The following DLC1 variants were observed in gnomAD, a reference collection of about 807,000 sequenced individuals.
DLC1 encodes rho GTPase-activating protein 7.
Under a neutral mutation model 140.3 loss-of-function variants are expected in DLC1, and 54 were observed. That is an observed-to-expected ratio of 0.38 (90% CI 0.31 to 0.48). The LOEUF is 0.48. Among genes scored for constraint, DLC1 ranks in the 20% least tolerant of loss-of-function variants. The pLI is 0.96. For synonymous variants in DLC1, 986 were observed against 728.1 expected, an observed-to-expected ratio of 1.35 and a Z score of -5.70; for missense variants, 2,536 against 1,907.0, an observed-to-expected ratio of 1.33 and a Z score of -6.14.
intron 2 of DLC1, among the ~76,000 whole-genome samples, chr8:13,482,310 T>A (rs1350653114): frequency 6.6e-6 from 1 of 151,316 alleles, no homozygotes; most frequent in Non-Finnish European, 1.5e-5. Context: ...TTGGAGACAG[T>A]TAATCATGGT....
chr8:13,243,052 G>T (rs1393204194), intron 5 of DLC1, among the ~76,000 whole-genome samples: 1 of 151,932 alleles, frequency 6.6e-6, no homozygotes, highest in Non-Finnish European at 1.5e-5. Context: ...CACTTTGGGA[G>T]GCCAAGGTGG....
chr8:13,131,900 C>G (rs891692979), intron 5 of DLC1, among the ~76,000 whole-genome samples: 2 of 152,196 alleles, frequency 1.3e-5, no homozygotes, highest in Non-Finnish European at 2.9e-5. Flanking sequence ...CTGAAGGACG[C>G]TCGCGGACGC....
At chr8:13,182,184 T>C (rs1270785678) in intron 5 of DLC1, among the ~76,000 whole-genome samples, 1 of 152,070 alleles carries the variant, frequency 6.6e-6, no homozygotes, top group Non-Finnish European at 1.5e-5. Flanking sequence ...TGATAGGGTT[T>C]TTTCTTTTTT....
chr8:13,448,739 C>T (rs921584273), intron 2 of DLC1, among the ~76,000 whole-genome samples: 5 of 152,148 alleles, frequency 3.3e-5, no homozygotes, highest in African/African-American at 1.2e-4. Context: ...CCATAGTGTT[C>T]AGTGCTTAAT....
At position 13,091,398 on chromosome 8, in the gene DLC1, C is replaced by A. The variant is rs747502769; in HGVS notation, c.3775G>T (p.Asp1259Tyr). 2 of 1,614,092 alleles carry A rather than the reference C, an allele frequency of 1.2e-6. No individual in the cohort carries two copies. Among genetic ancestry groups the A allele is most frequent in the Non-Finnish European group, 1.7e-6 (2 of 1,180,010 alleles). ...AGGTTTTCATTCAAATCTTTCTGAT[C>A]TGGTTTGCCCAAACTTTGTTTTCTT... ...MQRKQSLGKP[D>Y]QKDLNENLAA... Residue 1259 changes from aspartate to tyrosine, a missense_variant, in exon 14 of 18, where the codon GAT becomes TAT. Transcript: ENST00000276297.
rs1452984907 is a variant in DLC1 at position 13,499,330 on chromosome 8, T to G, written c.742A>C (p.Ser248Arg). The change falls in exon 2 of 18, where the codon AGC (serine) becomes CGC (arginine). Residue 248 changes from serine (S) to arginine (R), a missense_variant. By Grantham distance (110) the Ser-to-Arg change is moderately radical. Coordinates refer to ENST00000276297, the MANE Select transcript of DLC1 (RefSeq NM_182643.3). ...PDPPKDENER[S>R]TCNVVQNEFL... Reference sequence around the variant, plus strand: ...TCATTTTGTACTACATTGCAGGTGCTTCTTTCATTTTCATCTTTAGGGGGG... The same window carrying G: ...TCATTTTGTACTACATTGCAGGTGCGTCTTTCATTTTCATCTTTAGGGGGG... 6.2e-7 allele frequency: 1 copy of G among 1,614,060 alleles called. No individual in the cohort carries two copies. Among genetic ancestry groups the G allele is most frequent in the South Asian group, 1.1e-5 (1 of 91,084 alleles).
intron 1 of DLC1, among the ~76,000 whole-genome samples, chr8:13,603,994 T>C (rs756844184): frequency 6.7e-4 from 102 of 152,284 alleles, no homozygotes; most frequent in Non-Finnish European, 1.2e-3. Flanking sequence ...GATCAAACTC[T>C]ATGAAAAAGC....
At chr8:13,594,586 T>G (rs1805626132) in intron 1 of DLC1, among the ~76,000 whole-genome samples, 1 of 152,144 alleles carries the variant, frequency 6.6e-6, no homozygotes, top group Admixed American at 6.6e-5. Flanking sequence ...AACCCTCATT[T>G]TAATTTTGCA....
At chr8:13,225,168 T>C (rs1828733891) in intron 5 of DLC1, among the ~76,000 whole-genome samples, 1 of 152,132 alleles carries the variant, frequency 6.6e-6, no homozygotes, top group African/African-American at 2.4e-5. Flanking sequence ...TGTGTAAAAG[T>C]GGGTGTGCTG....
chr8:13,413,255 G>GTTTTTTTTTT (rs1461897724), intron 2 of DLC1, among the ~76,000 whole-genome samples: 2 of 30,142 alleles, frequency 6.6e-5, no homozygotes, highest in African/African-American at 1.6e-4. Context: ...ATTTTTTTGC[G>GTTTTTTTTTT]ATTTTTTTTT....
At chr8:13,194,447 G>A (rs749002184) in intron 5 of DLC1, among the ~76,000 whole-genome samples, 3 of 152,178 alleles carry the variant, frequency 2.0e-5, no homozygotes, top group Admixed American at 2.0e-4. Flanking sequence ...TGCTTTTGCT[G>A]ATGGCATCAG....
At position 13,095,476 on chromosome 8, in the gene DLC1, T is replaced by C. The variant is rs1289286709; in HGVS notation, c.3168-231A>G. 4 of 552,310 alleles carry C rather than the reference T, an allele frequency of 7.2e-6. No individual in the cohort carries two copies. The East Asian group carries it at 1.2e-4, about 17-fold the overall frequency. The allele number at this position is 552,310 out of a possible 1,614,324, so 34.2% of individuals were successfully genotyped here. A position where few individuals can be genotyped will look rare whatever the true frequency, so the allele number is the denominator to read the frequency against. On this transcript the variant is annotated intron_variant, in intron 10 of 17. Coordinates refer to ENST00000276297, the MANE Select transcript of DLC1 (RefSeq NM_182643.3). ...TACCTACTGTATTGGCCTGTGCAGA[T>C]AAAGAACATTCCTATCATCCAGACA...
rs115672410 is a variant in DLC1, at chr8:13,134,462, A to G, written c.1349-18805T>C. Reference sequence around the variant, plus strand: ...GCATAACAAACAAAATAAATGAGATATATAGAGTATGTCTGATGGAGATAC... The same window carrying G: ...GCATAACAAACAAAATAAATGAGATGTATAGAGTATGTCTGATGGAGATAC... On this transcript the variant is annotated intron_variant, in intron 5 of 17. Coordinates refer to ENST00000276297, the MANE Select transcript of DLC1 (RefSeq NM_182643.3). Among the ~76,000 whole-genome samples, 813 of 152,336 alleles carry G rather than the reference A, an allele frequency of 5.3e-3. 8 individuals carry two copies. Among genetic ancestry groups the G allele is most frequent in the African/African-American group, 0.018 (747 of 41,578 alleles).
chr8:13,296,743 T>C (rs1339884934), intron 5 of DLC1, among the ~76,000 whole-genome samples: 1 of 151,596 alleles, frequency 6.6e-6, no homozygotes, highest in African/African-American at 2.4e-5. Flanking sequence ...TAGCCTGATA[T>C]AGCATAAAAT....
At chr8:13,112,186 C>T (rs1820173513) in intron 6 of DLC1, among the ~76,000 whole-genome samples, 1 of 152,072 alleles carries the variant, frequency 6.6e-6, no homozygotes, top group South Asian at 2.1e-4. Flanking sequence ...ATCCCTTTGG[C>T]CTTCAAAATG....
chr8:13,384,292 A>C (rs964699516), intron 4 of DLC1, among the ~76,000 whole-genome samples: 1 of 152,174 alleles, frequency 6.6e-6, no homozygotes, highest in African/African-American at 2.4e-5. Flanking sequence ...AAGGAAAAGG[A>C]AGCAGAACAC....
Position 13,100,755 on chromosome 8 carries a change from C to G in DLC1, c.1582G>C (p.Glu528Gln). ...PHRKRSDDSDEDEPCAISGKW... is the reference protein window; with the variant it reads ...PHRKRSDDSDQDEPCAISGKW... ...CCACTGATGGCACAAGGCTCATCCTCGTCTGAATCGTCACTCTGCAAAGAC... is the reference window on the plus strand; with the variant it reads ...CCACTGATGGCACAAGGCTCATCCTGGTCTGAATCGTCACTCTGCAAAGAC... Residue 528 changes from glutamate to glutamine, a missense_variant, in exon 9 of 18, where the codon GAG becomes CAG. Glu to Gln is a conservative substitution (Grantham distance 29). Transcript: ENST00000276297. 2 of 1,565,464 alleles carry G rather than the reference C, an allele frequency of 1.3e-6. No individual in the cohort carries two copies. The highest frequency in any genetic ancestry group is 1.7e-6 in the Non-Finnish European group (2 of 1,157,442).
At chr8:13,602,030 C>G (rs1805904578) in intron 1 of DLC1, among the ~76,000 whole-genome samples, 1 of 151,810 alleles carries the variant, frequency 6.6e-6, no homozygotes, top group Non-Finnish European at 1.5e-5. Context: ...TAAGTGCCTC[C>G]TGATGGATGA....
intron 1 of DLC1, among the ~76,000 whole-genome samples, chr8:13,507,547 T>C (rs950658212): frequency 1.3e-5 from 2 of 152,226 alleles, no homozygotes; most frequent in Non-Finnish European, 2.9e-5. Context: ...TATGATTTCA[T>C]GCAGATTCCC....
Sources: gnomAD v4.1 joint callset for allele counts (sites outside exome capture counted in the v4.1 genomes callset) on GRCh38, gnomAD v4.1.1 for gene constraint, MANE v1.5 for transcripts, NCBI Gene and HGNC (gene_info 2026-07-23, HGNC 2026-07-21) for gene names.